ATXN1: variants seen among roughly 807,000 people sequenced by gnomAD.
ATXN1 encodes ataxin 1, also known as ataxin-1.
In ATXN1, 8 loss-of-function variants were observed where a neutral mutation model predicts 56.4. The observed-to-expected ratio is 0.14, with a 90% CI of 0.08 to 0.26. ATXN1 has a LOEUF of 0.26. Ranked by LOEUF, ATXN1 falls within the 10% of genes least tolerant of loss-of-function variation. ATXN1 has a pLI of 1.00. For missense variants in ATXN1, 987 were observed against 1,106.5 expected, an observed-to-expected ratio of 0.89 and a Z score of 1.53; for synonymous variants, 514 against 494.6, an observed-to-expected ratio of 1.04 and a Z score of -0.52.
chr6:16,631,079 C>A (rs1007530856), intron 3 of ATXN1, among the ~76,000 whole-genome samples: 11 of 152,286 alleles, frequency 7.2e-5, no homozygotes, highest in African/African-American at 2.4e-4. Context: ...CTCGTGTGTG[C>A]CTGGCACTGC....
chr6:16,620,139 T>G (rs993484595), intron 3 of ATXN1, among the ~76,000 whole-genome samples: 35 of 152,178 alleles, frequency 2.3e-4, no homozygotes, highest in African/African-American at 8.0e-4. Flanking sequence ...AACCAAACTT[T>G]TACAGTAGGA....
At chr6:16,403,993 C>A (rs561831123) in intron 6 of ATXN1, among the ~76,000 whole-genome samples, 27 of 152,080 alleles carry the variant, frequency 1.8e-4, no homozygotes, top group Non-Finnish European at 2.9e-4. Context: ...AGGAAAAATG[C>A]TGAAATTATG....
intron 6 of ATXN1, among the ~76,000 whole-genome samples, chr6:16,366,925 A>C (rs370653829): frequency 2.6e-5 from 4 of 152,346 alleles, no homozygotes; most frequent in African/African-American, 9.6e-5. Context: ...GGGGAACTTA[A>C]AAAAATTACA....
In ATXN1 at chr6:16,760,537, C is replaced by T. The variant is rs898265908; in HGVS notation, c.-730+761G>A. 1.3e-5 allele frequency among the ~76,000 whole-genome samples: 2 copies of T among 151,344 alleles called. No homozygotes were observed. Among genetic ancestry groups the T allele is most frequent in the Non-Finnish European group, 1.5e-5 (1 of 67,754 alleles). On this transcript the variant is annotated intron_variant, in intron 1 of 7. Coordinates refer to ENST00000436367, the MANE Select transcript of ATXN1 (RefSeq NM_001128164.2). The surrounding 1 kb of genome is among the most constrained non-coding windows in gnomAD (Gnocchi z 5.3). ...CCAGGCACCCGCACACCCGCTACCC[C>T]CGCGCGGTCCCCGAGGCCACCCCTC...
intron 5 of ATXN1, among the ~76,000 whole-genome samples, chr6:16,507,391 G>A (rs1339315920): frequency 1.3e-5 from 2 of 152,188 alleles, no homozygotes; most frequent in South Asian, 2.1e-4. Context: ...CGTTCCTCAT[G>A]CCTCTAGGAA....
At chr6:16,533,238 A>C (rs1761538391) in intron 4 of ATXN1, among the ~76,000 whole-genome samples, 1 of 152,214 alleles carries the variant, frequency 6.6e-6, no homozygotes, top group African/African-American at 2.4e-5. Flanking sequence ...AAGAAGAAGA[A>C]GACCCCTGTG....
chr6:16,340,217 A>G (rs1221820447), intron 6 of ATXN1, among the ~76,000 whole-genome samples: 2 of 152,334 alleles, frequency 1.3e-5, no homozygotes, highest in East Asian at 3.9e-4. Flanking sequence ...AATGTGATTT[A>G]TGATGGGGGC....
chr6:16,383,888 A>G (rs4716064), intron 6 of ATXN1, among the ~76,000 whole-genome samples: 57,561 of 152,050 alleles, frequency 0.38, 12,287 homozygotes, highest in East Asian at 0.96. Flanking sequence ...TTTGGTCAGT[A>G]AAGGAATTAT....
chr6:16,709,025 CA>C (rs34066790), intron 2 of ATXN1, among the ~76,000 whole-genome samples: 67,260 of 120,694 alleles, frequency 0.56, 15,738 homozygotes, highest in South Asian at 0.68. Context: ...AACTCTGTCT[CA>C]AAAAAAAAAA....
At chr6:16,569,019 G>A (rs973781477) in intron 4 of ATXN1, among the ~76,000 whole-genome samples, 8 of 152,168 alleles carry the variant, frequency 5.3e-5, no homozygotes, top group African/African-American at 1.9e-4. Context: ...CCTAAGAAGT[G>A]CAGATGAATG....
chr6:16,666,804 A>G (rs1758438105), intron 2 of ATXN1: 1 of 99,154 alleles, frequency 1.0e-5, no homozygotes, highest in South Asian at 3.4e-4. Flanking sequence ...GCACCCAGCC[A>G]TGACTTTTTT....
chr6:16,312,973 G>C (rs9477082), intron 7 of ATXN1, among the ~76,000 whole-genome samples: 1 of 152,092 alleles, frequency 6.6e-6, no homozygotes, highest in African/African-American at 2.4e-5. Flanking sequence ...TGCTTCCTAG[G>C]TTCAAGCTAT....
chr6:16,434,155 G>C (rs189801791), intron 6 of ATXN1, among the ~76,000 whole-genome samples: 6 of 152,272 alleles, frequency 3.9e-5, no homozygotes, highest in Non-Finnish European at 7.4e-5. Context: ...AACAGACCCA[G>C]TTAAGTCTTA....
intron 5 of ATXN1, among the ~76,000 whole-genome samples, chr6:16,504,341 G>A (rs1760941593): frequency 6.6e-6 from 1 of 152,078 alleles, no homozygotes; most frequent in Admixed American, 6.6e-5. Flanking sequence ...CAAACAGCCT[G>A]TATACAACAC....
chr6:16,616,584 T>A (rs1357292344), intron 3 of ATXN1, among the ~76,000 whole-genome samples: 3 of 144,962 alleles, frequency 2.1e-5, no homozygotes, highest in African/African-American at 7.5e-5. Flanking sequence ...ATAATATATT[T>A]TATAATATAT....
chr6:16,377,537 C>A (rs1460569419), intron 6 of ATXN1, among the ~76,000 whole-genome samples: 1 of 152,158 alleles, frequency 6.6e-6, no homozygotes, highest in Non-Finnish European at 1.5e-5. Flanking sequence ...AGCCGCTGTT[C>A]ACCAAGAGCC....
chr6:16,313,744 C>T (rs1760451023), intron 7 of ATXN1, among the ~76,000 whole-genome samples: 1 of 151,786 alleles, frequency 6.6e-6, no homozygotes, highest in African/African-American at 2.4e-5. Context: ...TTTTAGTAGA[C>T]ACGGGGTTTC....
intron 2 of ATXN1, among the ~76,000 whole-genome samples, chr6:16,678,798 G>C (rs920158297): frequency 6.6e-6 from 1 of 152,224 alleles, no homozygotes; most frequent in Non-Finnish European, 1.5e-5. Context: ...CACTTTGGGA[G>C]GCCGAGGCGG....
In ATXN1 at chr6:16,326,409, C is replaced by T. The variant is rs373055446; in HGVS notation, c.1902G>A (p.Gly634=). Residue 634 remains glycine, a synonymous_variant, in exon 7 of 8, where the codon GGG becomes GGA. Coordinates refer to ENST00000436367, the MANE Select transcript of ATXN1 (RefSeq NM_001128164.2). This position sits in a 1 kb window ranked among gnomAD's most constrained non-coding sequence, Gnocchi z 6.6. ...CTAACGTTACCTGGGCTCGGTGCTC[C>T]CCGACGGCGAACTGTATCACGGCCA... is the stretch of plus-strand genomic sequence containing the variant. ...PGVAVIQFAV[G]EHRAQVSVEV... 1 of 1,613,672 alleles carries T rather than the reference C, an allele frequency of 6.2e-7. No individual in the cohort carries two copies. The highest frequency in any genetic ancestry group is 8.5e-7 in the Non-Finnish European group (1 of 1,179,808).
Sources: gnomAD v4.1 joint callset for allele counts (sites outside exome capture counted in the v4.1 genomes callset) on GRCh38, gnomAD v4.1.1 for gene constraint, Gnocchi (gnomAD v3.1) non-coding constraint, MANE v1.5 for transcripts, NCBI Gene and HGNC (gene_info 2026-07-23, HGNC 2026-07-21) for gene names.